GPT: variants seen among roughly 807,000 people sequenced by gnomAD.
GPT encodes the protein alanine aminotransferase 1.
A neutral mutation model predicts 51.4 loss-of-function variants in GPT; 60 were observed. The observed-to-expected ratio is 1.17, with a 90% CI of 0.95 to 1.45. The LOEUF is 1.45. Ranked by LOEUF, GPT falls within the 40% of genes most tolerant of loss-of-function variation. The pLI is 0.00. For synonymous variants in GPT, 397 were observed against 303.1 expected, an observed-to-expected ratio of 1.31 and a Z score of -3.22; for missense variants, 853 against 704.0, an observed-to-expected ratio of 1.21 and a Z score of -2.40.
In GPT at chr8:144,507,113, G is replaced by GGGGGGGGGGGGGGGGGGGGGGGCC; in HGVS notation, c.*114_*115insGGGGGGGGGGGGGGGGGGGGGCCG. On this transcript the variant is annotated 3_prime_UTR_variant, in exon 11 of 11. Coordinates refer to ENST00000394955, the MANE Select transcript of GPT (RefSeq NM_005309.3). ...ATGCCTGGCGGGGTGGGGTGGGGGGGGTGCTGGGCCCCTGCCTCTCTGCAG... is the reference window on the plus strand; with the variant it reads ...ATGCCTGGCGGGGTGGGGTGGGGGGGGGGGGGGGGGGGGGGGGGGGGGCCGTGCTGGGCCCCTGCCTCTCTGCAG... 2.0e-6 allele frequency: 1 copy of GGGGGGGGGGGGGGGGGGGGGGGCC among 512,008 alleles called. No homozygotes were observed. The highest frequency in any genetic ancestry group is 3.8e-6 in the Non-Finnish European group (1 of 263,570). The allele number at this position is 512,008 out of a possible 1,614,324, so 31.7% of individuals were successfully genotyped here.
chr8:144,506,872 GC>G lies in GPT; in HGVS notation c.1400+31del. Reference sequence around the variant, plus strand: ...AGGCCTGGCCCTCACTCCCTGTCCCGCCACCCTGGCCCTTCACTCACTGTCA... The same window carrying G: ...AGGCCTGGCCCTCACTCCCTGTCCCGCACCCTGGCCCTTCACTCACTGTCA... On this transcript the variant is annotated intron_variant, in intron 10 of 10. Coordinates refer to ENST00000394955, the MANE Select transcript of GPT (RefSeq NM_005309.3). This position sits in a 1 kb window ranked among gnomAD's most constrained non-coding sequence, Gnocchi z 7.0. 1 of 1,611,608 alleles carries G rather than the reference GC, an allele frequency of 6.2e-7. No homozygotes were observed. The highest frequency in any genetic ancestry group is 1.1e-5 in the South Asian group (1 of 91,046).
rs1179801669 is a variant in GPT, at chr8:144,506,800, C to G, written c.1357C>G (p.Pro453Ala). 6.2e-7 allele frequency: 1 copy of G among 1,612,550 alleles called. No homozygotes were observed. The highest frequency in any genetic ancestry group is 1.3e-5 in the African/African-American group (1 of 74,924). Residue 453 changes from proline (P) to alanine (A), a missense_variant, in exon 10 of 11, where the codon CCA becomes GCA. Coordinates refer to ENST00000394955, the MANE Select transcript of GPT (RefSeq NM_005309.3). This position sits in a 1 kb window ranked among gnomAD's most constrained non-coding sequence, Gnocchi z 7.0. ...LLEETGICVV[P>A]GSGFGQREGT... ...GGAGGAGACCGGCATCTGCGTGGTGCCAGGGAGCGGCTTTGGGCAGCGGGA... is the reference window on the plus strand; with the variant it reads ...GGAGGAGACCGGCATCTGCGTGGTGGCAGGGAGCGGCTTTGGGCAGCGGGA...
At chr8:144,503,524 T>A (rs993531344), upstream of GPT, among the ~76,000 whole-genome samples, 1 of 152,084 alleles carries the variant, frequency 6.6e-6, no homozygotes, top group Non-Finnish European at 1.5e-5. Flanking sequence ...AGGGCTGGAC[T>A]GCCTGGCTCC....
chr8:144,505,753 C>T, intron 5 of GPT, 95 bp from the exon 6 acceptor site: 4 of 1,244,680 alleles, frequency 3.2e-6, no homozygotes, highest in Non-Finnish European at 4.5e-6. Flanking sequence ...GCGCCCTGGC[C>T]CAGGCAGTGC....
Position 144,505,913 on chromosome 8 carries a change from C to T in GPT, c.805C>T (p.Leu269=). The T allele has an allele frequency of 5.0e-6, 8 of 1,605,482 alleles. No homozygotes were observed. The highest frequency in any genetic ancestry group is 6.8e-6 in the Non-Finnish European group (8 of 1,176,808). The part of the protein sequence containing the change: ...IRFAFEERLF[L]LADEVYQDNV... ...CTTCGCCTTCGAAGAGCGGCTCTTT[C>T]TGCTGGCGGACGAGGTGCGCGGCGC... Residue 269 remains leucine, a synonymous_variant, in exon 6 of 11, where the codon CTG becomes TTG. Transcript: ENST00000394955.
At position 144,505,895 on chromosome 8, in the gene GPT, T is replaced by C; in HGVS notation, c.787T>C (p.Phe263Leu). Residue 263 changes from phenylalanine to leucine, a missense_variant, in exon 6 of 11, where the codon TTC becomes CTC. Transcript: ENST00000394955. ...ECIEAVIRFA[F>L]EERLFLLADE... ...CATCGAGGCCGTGATCCGCTTCGCC[T>C]TCGAAGAGCGGCTCTTTCTGCTGGC... The C allele has an allele frequency of 6.3e-7, 1 of 1,593,716 alleles. No individual in the cohort carries two copies. The highest frequency in any genetic ancestry group is 8.5e-7 in the Non-Finnish European group (1 of 1,170,854).
chr8:144,505,201 C>G lies in GPT; in HGVS notation c.496-45C>G, dbSNP rs748933417. The G allele has an allele frequency of 2.5e-6, 4 of 1,612,232 alleles. No individual in the cohort carries two copies. In the South Asian group the frequency reaches 4.4e-5, roughly 18 times the overall value. On this transcript the variant is annotated intron_variant, in intron 4 of 10. Transcript: ENST00000394955. ...GGGCGCCCAGGGTGGGGGACAGGTG[C>G]GGCCCCAGGCCTCGCCAACCCTGCC...
In GPT at chr8:144,504,993, TCCAGGGG is replaced by T. The variant is rs766571164; in HGVS notation, c.362-2_366del. 6.2e-7 allele frequency: 1 copy of T among 1,612,980 alleles called. No individual in the cohort carries two copies. Among genetic ancestry groups the T allele is most frequent in the Non-Finnish European group, 8.5e-7 (1 of 1,179,968 alleles). On this transcript the variant is annotated splice_acceptor_variant and splice_polypyrimidine_tract_variant and coding_sequence_variant and intron_variant, in exon 4 of 11. Transcript: ENST00000394955. LOFTEE classifies it high-confidence loss of function. ...TACTTCCCATCCTGTCCTGCCCGAG[TCCAGGGG>T]CCTACAGCGTCAGCTCCGGCATCCA... is the stretch of plus-strand genomic sequence containing the variant.
Position 144,504,323 on chromosome 8 carries a change from G to T in GPT, c.19G>T (p.Asp7Tyr). 1.2e-6 allele frequency: 2 copies of T among 1,609,824 alleles called. No individual in the cohort carries two copies. Among genetic ancestry groups the T allele is most frequent in the South Asian group, 2.2e-5 (2 of 91,074 alleles). MASSTG[D>Y]RSQAVRHGLR... ...TAGAGTCATGGCCTCGAGCACAGGT[G>T]ACCGGAGCCAGGCGGTGAGGCATGG... The change falls in exon 1 of 11, where the codon GAC becomes TAC. Residue 7 changes from aspartate (D) to tyrosine (Y), a missense_variant. Physicochemically the swap from Asp to Tyr is radical, Grantham distance 160 (BLOSUM62 -3). Coordinates refer to ENST00000394955, the MANE Select transcript of GPT (RefSeq NM_005309.3).
chr8:144,507,045 C>T lies in GPT; in HGVS notation c.*45C>T. 1.6e-6 allele frequency: 2 copies of T among 1,271,586 alleles called. No individual in the cohort carries two copies. The highest frequency in any genetic ancestry group is 1.2e-5 in the South Asian group (1 of 85,454). The allele number at this position is 1,271,586 out of a possible 1,614,324, so 78.8% of individuals were successfully genotyped here. A position where few individuals can be genotyped will look rare whatever the true frequency, so the allele number is the denominator to read the frequency against. ...GCTGGGTCGCCCTGGACTGTGTGCT[C>T]AGGAGCCCTGGGAGGCTCTGGAGCC... On this transcript the variant is annotated 3_prime_UTR_variant, in exon 11 of 11. Transcript: ENST00000394955.
Position 144,506,664 on chromosome 8 carries a change from G to A in GPT, c.1287+8G>A, listed in dbSNP as rs750967411. The A allele has an allele frequency of 1.9e-4, 296 of 1,560,716 alleles. 2 individuals are homozygous for A. Among genetic ancestry groups the A allele is most frequent in the Non-Finnish European group, 2.3e-4 (269 of 1,152,748 alleles). Reference sequence around the variant, plus strand: ...GCGGTGGAGCGCGCTCAGGTCAGGCGGGGGCGGGGCCTGCGGGGTGGGCAG... The same window carrying A: ...GCGGTGGAGCGCGCTCAGGTCAGGCAGGGGCGGGGCCTGCGGGGTGGGCAG... On this transcript the variant is annotated splice_region_variant and intron_variant, in intron 9 of 10. Coordinates refer to ENST00000394955, the MANE Select transcript of GPT (RefSeq NM_005309.3). This position sits in a 1 kb window ranked among gnomAD's most constrained non-coding sequence, Gnocchi z 7.0.
rs1826748302 is a variant in GPT at position 144,505,425 on chromosome 8, G to C, written c.675G>C (p.Leu225=). The change falls in exon 5 of 11, where the codon CTG becomes CTC. Residue 225 remains leucine, a synonymous_variant. Transcript: ENST00000394955. ...ACGTGGCCGAGCTTCACCGTGCACT[G>C]GGCCAGGCGCGTGACCACTGCCGCC... The part of the protein sequence containing the change: ...ALDVAELHRA[L]GQARDHCRPR... 2 of 1,599,758 alleles carry C rather than the reference G, an allele frequency of 1.3e-6. No homozygotes were observed. Among genetic ancestry groups the C allele is most frequent in the Non-Finnish European group, 1.7e-6 (2 of 1,175,382 alleles).
Position 144,505,180 on chromosome 8 carries a change from G to A in GPT, c.495+49G>A, listed in dbSNP as rs200128241. Reference sequence around the variant, plus strand: ...ACATTCCTGACACTGCAGAGGGGGCGCCCAGGGTGGGGGACAGGTGCGGCC... The same window carrying A: ...ACATTCCTGACACTGCAGAGGGGGCACCCAGGGTGGGGGACAGGTGCGGCC... On this transcript the variant is annotated intron_variant, in intron 4 of 10. Coordinates refer to ENST00000394955, the MANE Select transcript of GPT (RefSeq NM_005309.3). The A allele has an allele frequency of 5.6e-6, 9 of 1,612,556 alleles. No individual in the cohort carries two copies. The African/African-American group carries it at 8.0e-5, about 14-fold the overall frequency.
chr8:144,504,168 C>T lies in GPT; in HGVS notation c.-137C>T. On this transcript the variant is annotated 5_prime_UTR_variant, in exon 1 of 11. Transcript: ENST00000394955. ...GAGGCCAGCTGCGGTGAAGAGGGTG[C>T]TCTCTTGCCTGGAGTTCCCTCTGCT... The T allele has an allele frequency of 1.1e-6, 1 of 884,600 alleles. No individual in the cohort carries two copies. Among genetic ancestry groups the T allele is most frequent in the South Asian group, 1.5e-5 (1 of 68,456 alleles). The allele number at this position is 884,600 out of a possible 1,614,324, so 54.8% of individuals were successfully genotyped here. A position where few individuals can be genotyped will look rare whatever the true frequency, so the allele number is the denominator to read the frequency against.
chr8:144,506,583 G>T lies in GPT; in HGVS notation c.1214G>T (p.Cys405Phe). ...QVFNEAPGIS[C>F]NPVQGAMYSF... is the part of the protein sequence containing the mutation. ...TTCAATGAGGCTCCTGGCATCAGCT[G>T]CAACCCAGTGCAGGGCGCCATGTAC... Residue 405 changes from cysteine to phenylalanine, a missense_variant, in exon 9 of 11, where the codon TGC becomes TTC. Transcript: ENST00000394955. The surrounding 1 kb of genome is among the most constrained non-coding windows in gnomAD (Gnocchi z 7.0). 2 of 1,573,450 alleles carry T rather than the reference G, an allele frequency of 1.3e-6. No individual in the cohort carries two copies. Among genetic ancestry groups the T allele is most frequent in the Non-Finnish European group, 1.7e-6 (2 of 1,160,020 alleles).
chr8:144,505,764 C>T (rs376506295), intron 5 of GPT, 84 bp from the exon 6 acceptor site: 6 of 1,358,110 alleles, frequency 4.4e-6, no homozygotes, highest in East Asian at 2.5e-5. Flanking sequence ...CAGGCAGTGC[C>T]GGGTCCGCTG....
chr8:144,506,900 C>T lies in GPT; in HGVS notation c.1401-10C>T. On this transcript the variant is annotated splice_polypyrimidine_tract_variant and intron_variant, in intron 10 of 10. Transcript: ENST00000394955. The surrounding 1 kb of genome is among the most constrained non-coding windows in gnomAD (Gnocchi z 7.0). Reference sequence around the variant, plus strand: ...ACCCTGGCCCTTCACTCACTGTCAACTCCTTTCAGGATGACCATTCTGCCC... The same window carrying T: ...ACCCTGGCCCTTCACTCACTGTCAATTCCTTTCAGGATGACCATTCTGCCC... The T allele has an allele frequency of 2.5e-6, 4 of 1,612,736 alleles. No homozygotes were observed. Among genetic ancestry groups the T allele is most frequent in the South Asian group, 1.1e-5 (1 of 91,082 alleles).
At chr8:144,503,256 G>A (rs895173577), upstream of GPT, 2 of 152,182 alleles carry the variant, frequency 1.3e-5, no homozygotes, top group Non-Finnish European at 2.9e-5. Flanking sequence ...CCGGCTCCCT[G>A]ACCCCCATGG....
upstream of GPT, chr8:144,504,117 C>T (rs1564776182): frequency 1.5e-6 from 1 of 667,116 alleles, no homozygotes. Flanking sequence ...TCCCCAGCTC[C>T]TTCAGCCCTT....
Sources: allele counts gnomAD v4.1 joint callset (sites outside exome capture counted in the v4.1 genomes callset), GRCh38; gene constraint gnomAD v4.1.1; non-coding constraint Gnocchi (gnomAD v3.1); transcripts MANE v1.5; gene names NCBI Gene and HGNC (gene_info 2026-07-23, HGNC 2026-07-21).